ATP2B2: variants seen among roughly 807,000 people sequenced by gnomAD.
ATP2B2 encodes plasma membrane calcium-transporting ATPase 2.
In ATP2B2, 15 loss-of-function variants were observed where a neutral mutation model predicts 120.0. The ratio of observed to expected loss-of-function variants is 0.12; its 90% CI spans 0.08 to 0.19. The LOEUF is 0.19. ATP2B2 is among the 10% of genes least tolerant of loss of function. The pLI is 1.00. For missense variants in ATP2B2, 1,045 were observed against 1,719.8 expected (o/e 0.61, Z 6.94); for synonymous variants, 694 against 700.3 (o/e 0.99, Z 0.14).
chr3:10,551,747 A>G (rs1000380184), intron 2 of ATP2B2, among the ~76,000 whole-genome samples: 3 of 152,184 alleles, frequency 2.0e-5, no homozygotes, highest in Non-Finnish European at 4.4e-5. Context: ...CAATTCCAAA[A>G]GCTACCTTGG....
chr3:10,352,990 C>G (rs2060620157), intron 14 of ATP2B2, among the ~76,000 whole-genome samples: 1 of 152,228 alleles, frequency 6.6e-6, no homozygotes, highest in African/African-American at 2.4e-5. Flanking sequence ...CAGGTGTCCT[C>G]AACAGATGGG....
In ATP2B2 at chr3:10,385,346, G is replaced by T. The variant is rs758530252; in HGVS notation, c.941-19C>A. 6.2e-7 allele frequency: 1 copy of T among 1,611,518 alleles called. No homozygotes were observed. The highest frequency in any genetic ancestry group is 1.1e-5 in the South Asian group (1 of 91,020). On this transcript the variant is annotated intron_variant, in intron 7 of 22. Coordinates refer to ENST00000360273, the MANE Select transcript of ATP2B2 (RefSeq NM_001001331.4). ...TCTGCTGCTGCAGGGGGGTGGGAGG[G>T]ATGGAAAATGCAGTGTCACAATGGA...
chr3:10,624,711 A>G (rs1044976887), intron 1 of ATP2B2, among the ~76,000 whole-genome samples: 9 of 152,380 alleles, frequency 5.9e-5, no homozygotes, highest in Non-Finnish European at 7.3e-5. Context: ...TGAATGAATG[A>G]GTACGAATGC....
At chr3:10,335,999 C>T in intron 22 of ATP2B2, 1 of 1,158,814 alleles carries the variant, frequency 8.6e-7, no homozygotes, top group Non-Finnish European at 1.2e-6. Flanking sequence ...TCTTCGGTGG[C>T]TGGGACCCTT....
chr3:10,563,987 C>T (rs1318246385), intron 2 of ATP2B2, among the ~76,000 whole-genome samples: 1 of 152,214 alleles, frequency 6.6e-6, no homozygotes, highest in African/African-American at 2.4e-5. Context: ...CTTGTAACTA[C>T]AGCAAACTAG....
At chr3:10,520,738 G>A (rs1245506263) in intron 3 of ATP2B2, among the ~76,000 whole-genome samples, 1 of 150,138 alleles carries the variant, frequency 6.7e-6, no homozygotes, top group African/African-American at 2.5e-5. Flanking sequence ...TTACAGGCGT[G>A]AGCCACCACA....
intron 1 of ATP2B2, among the ~76,000 whole-genome samples, chr3:10,682,867 G>A (rs533521060): frequency 7.9e-5 from 12 of 152,358 alleles, no homozygotes; most frequent in African/African-American, 2.6e-4. Flanking sequence ...GCACATGGCA[G>A]GGGGCCACAG....
chr3:10,437,181 T>C (rs953967377), intron 2 of ATP2B2, among the ~76,000 whole-genome samples: 2 of 152,182 alleles, frequency 1.3e-5, no homozygotes, highest in African/African-American at 2.4e-5. Flanking sequence ...TTGTGCCAGA[T>C]GGCTGTGTGA....
chr3:10,333,113 G>A (rs2060025723), intron 22 of ATP2B2, among the ~76,000 whole-genome samples: 1 of 152,122 alleles, frequency 6.6e-6, no homozygotes, highest in Admixed American at 6.5e-5. Context: ...ATGTGTTCAG[G>A]GGTTTTCCTC....
At chr3:10,471,462 G>T (rs1466800720) in intron 1 of ATP2B2, among the ~76,000 whole-genome samples, 1 of 152,042 alleles carries the variant, frequency 6.6e-6, no homozygotes, top group African/African-American at 2.4e-5. Flanking sequence ...GTTCTAGGAA[G>T]CCTCTTACTG....
chr3:10,378,346 G>C lies in ATP2B2; in HGVS notation c.1107C>G (p.Asp369Glu), dbSNP rs752033239. The C allele has an allele frequency of 6.2e-7, 1 of 1,607,712 alleles. No individual in the cohort carries two copies. Among genetic ancestry groups the C allele is most frequent in the Non-Finnish European group, 8.5e-7 (1 of 1,180,012 alleles). ...TGCTGGCCTTCTTCCTGTCGTCAGC[G>C]TCGCCGCCCTCGGCACTCTTGAGGG... ...MQPLKSAEGGDADDRKKASMH... is the reference protein window; with the variant it reads ...MQPLKSAEGGEADDRKKASMH... Residue 369 changes from aspartate to glutamate, a missense_variant, in exon 10 of 23, where the codon GAC becomes GAG. Physicochemically the swap from Asp to Glu is conservative, Grantham distance 45. Coordinates refer to ENST00000360273, the MANE Select transcript of ATP2B2 (RefSeq NM_001001331.4).
intron 3 of ATP2B2, among the ~76,000 whole-genome samples, chr3:10,404,271 C>T (rs1271697892): frequency 6.6e-6 from 1 of 152,216 alleles, no homozygotes; most frequent in Non-Finnish European, 1.5e-5. Flanking sequence ...CCCAAAGCCA[C>T]CTTTCTCCCC....
At position 10,328,799 on chromosome 3, in the gene ATP2B2, C is replaced by T. The variant is rs769368453; in HGVS notation, c.*15G>A. 8.8e-6 allele frequency: 14 copies of T among 1,594,464 alleles called. No homozygotes were observed. Among genetic ancestry groups the T allele is most frequent in the South Asian group, 4.5e-5 (4 of 88,564 alleles). ...GGGTCCATGAGGGCGGGCGGGCAGG[C>T]GAGAGGGTCCTCAGCTAAAGCGACG... On this transcript the variant is annotated 3_prime_UTR_variant, in exon 23 of 23. Transcript: ENST00000360273.
chr3:10,432,652 TCTCA>T (rs1289335031), intron 2 of ATP2B2, among the ~76,000 whole-genome samples: 1 of 152,268 alleles, frequency 6.6e-6, no homozygotes, highest in African/African-American at 2.4e-5. Flanking sequence ...CAGAAGCGAA[TCTCA>T]CTCACGTGTC....
chr3:10,405,124 T>G (rs1307221998), intron 3 of ATP2B2, among the ~76,000 whole-genome samples: 5 of 152,154 alleles, frequency 3.3e-5, no homozygotes, highest in African/African-American at 1.2e-4. Context: ...TAGACAGCTG[T>G]GAAGTGGGAT....
chr3:10,359,533 C>A (rs561580112), intron 13 of ATP2B2, among the ~76,000 whole-genome samples: 7 of 152,120 alleles, frequency 4.6e-5, no homozygotes, highest in Admixed American at 2.0e-4. Context: ...CTACCATCAA[C>A]CAACTCTACG....
At chr3:10,484,247 G>A (rs2065535766) in intron 1 of ATP2B2, among the ~76,000 whole-genome samples, 1 of 152,116 alleles carries the variant, frequency 6.6e-6, no homozygotes, top group Non-Finnish European at 1.5e-5. Context: ...AGACTTCCAG[G>A]GCAGGAGAGA....
intron 1 of ATP2B2, among the ~76,000 whole-genome samples, chr3:10,470,554 G>C (rs1362087515): frequency 6.6e-6 from 1 of 152,278 alleles, no homozygotes; most frequent in Admixed American, 6.5e-5. Flanking sequence ...GGGTATGCTG[G>C]GCTCAAGAGG....
At chr3:10,534,541 C>T (rs2067271220) in intron 2 of ATP2B2, among the ~76,000 whole-genome samples, 1 of 152,224 alleles carries the variant, frequency 6.6e-6, no homozygotes, top group African/African-American at 2.4e-5. Flanking sequence ...ATTATCTTTG[C>T]TGGATCTTCA....
Sources: allele counts gnomAD v4.1 joint callset (sites outside exome capture counted in the v4.1 genomes callset), GRCh38; gene constraint gnomAD v4.1.1; transcripts MANE v1.5; gene names NCBI Gene and HGNC (gene_info 2026-07-23, HGNC 2026-07-21).